The following HDHD2 variants were observed in gnomAD, a reference collection of about 807,000 sequenced individuals.
The protein encoded by HDHD2 is haloacid dehalogenase-like hydrolase domain-containing protein 2.
HDHD2 carries 26 observed loss-of-function variants against 24.8 expected under a neutral mutation model. That is an observed-to-expected ratio of 1.05 (90% CI 0.77 to 1.45). The LOEUF is 1.45. Ranked by LOEUF, HDHD2 falls within the 40% of genes most tolerant of loss-of-function variation. HDHD2 has a pLI of 0.00. For synonymous variants in HDHD2, 128 were observed against 114.9 expected, an observed-to-expected ratio of 1.11 and a Z score of -0.73; for missense variants, 299 against 313.4, an observed-to-expected ratio of 0.95 and a Z score of 0.35.
intron 1 of HDHD2, among the ~76,000 whole-genome samples, chr18:47,149,361 T>C (rs1207406702): frequency 6.6e-6 from 1 of 152,192 alleles, no homozygotes; most frequent in East Asian, 1.9e-4. Context: ...ACAAATTTTC[T>C]TTCCTTCCCT....
intron 4 of HDHD2, among the ~76,000 whole-genome samples, chr18:47,126,988 C>A (rs988211618): frequency 6.6e-6 from 1 of 152,054 alleles, no homozygotes; most frequent in South Asian, 2.1e-4. Flanking sequence ...GGTGAAACCC[C>A]GTCTCTACTA....
chr18:47,114,541 A>G (rs924930654), intron 5 of HDHD2, among the ~76,000 whole-genome samples: 9 of 152,218 alleles, frequency 5.9e-5, no homozygotes, highest in African/African-American at 1.7e-4. Context: ...CACATGGGAA[A>G]TAACATTTGC....
chr18:47,134,301 ATGTGTT>A, intron 3 of HDHD2, 189 bp downstream of exon 3: 1 of 598,390 alleles, frequency 1.7e-6, no homozygotes, highest in South Asian at 2.0e-5. Context: ...TTACTATGTA[ATGTGTT>A]TCACTTACTG....
chr18:47,119,479 C>T (rs536052251), intron 4 of HDHD2, among the ~76,000 whole-genome samples: 3 of 152,344 alleles, frequency 2.0e-5, no homozygotes, highest in African/African-American at 7.2e-5. Context: ...AAAGAAGCAA[C>T]TTCTCATCCA....
At chr18:47,128,499 G>C (rs1568052072) in intron 4 of HDHD2, among the ~76,000 whole-genome samples, 1 of 152,154 alleles carries the variant, frequency 6.6e-6, no homozygotes, top group Non-Finnish European at 1.5e-5. Flanking sequence ...TCAACCAAAG[G>C]CCAAAGTAGG....
At chr18:47,133,734 T>G (rs1038541825) in intron 3 of HDHD2, among the ~76,000 whole-genome samples, 2 of 152,162 alleles carry the variant, frequency 1.3e-5, no homozygotes, top group Non-Finnish European at 2.9e-5. Flanking sequence ...TGGCCAGTGA[T>G]GATGAGCATT....
At chr18:47,139,980 C>A (rs184165335) in intron 1 of HDHD2, among the ~76,000 whole-genome samples, 2 of 152,162 alleles carry the variant, frequency 1.3e-5, no homozygotes, top group African/African-American at 4.8e-5. Context: ...GCTGAAGCCT[C>A]CTGTAAGAAC....
At chr18:47,132,264 G>T (rs976884950) in intron 3 of HDHD2, among the ~76,000 whole-genome samples, 4 of 152,078 alleles carry the variant, frequency 2.6e-5, no homozygotes, top group Admixed American at 6.6e-5. Context: ...TCAAGAGATA[G>T]AACTTTTCAT....
At chr18:47,115,393 G>A in intron 4 of HDHD2, 45 bp from the exon 5 acceptor site, 1 of 1,437,578 alleles carries the variant, frequency 7.0e-7, no homozygotes, top group East Asian at 2.3e-5. Context: ...TAAAAGCAAG[G>A]CTTTTATGAC....
chr18:47,139,419 C>T (rs920428954), intron 1 of HDHD2, among the ~76,000 whole-genome samples: 5 of 128,724 alleles, frequency 3.9e-5, no homozygotes, highest in East Asian at 4.8e-4. Context: ...GAGCCAAGAT[C>T]GTGCCACTGC....
chr18:47,110,616 A>G (rs2063508217), intron 6 of HDHD2: 2 of 985,152 alleles, frequency 2.0e-6, no homozygotes, highest in Non-Finnish European at 2.4e-6. Context: ...GCTTAGGTAT[A>G]TGTTTTAGTT....
In HDHD2 at chr18:47,127,015, G is replaced by C. The variant is rs1357543667; in HGVS notation, c.395+3229C>G. ...TCTCTACTAAAAATACAAAAAATTA[G>C]CTGGGCGTGGTGGTGGGCACCTGTA... On this transcript the variant is annotated intron_variant, in intron 4 of 6. Coordinates refer to ENST00000300605, the MANE Select transcript of HDHD2 (RefSeq NM_032124.5). Among the ~76,000 whole-genome samples the C allele has an allele frequency of 2.0e-5, 3 of 152,070 alleles. No individual in the cohort carries two copies. The East Asian group carries it at 5.8e-4, about 29-fold the overall frequency.
intron 4 of HDHD2, among the ~76,000 whole-genome samples, chr18:47,125,126 C>A (rs2063645610): frequency 6.6e-6 from 1 of 151,976 alleles, no homozygotes; most frequent in African/African-American, 2.4e-5. Context: ...AGTGCCACTG[C>A]ACTCTAGCCT....
chr18:47,117,742 C>A (rs1313974138), intron 4 of HDHD2, among the ~76,000 whole-genome samples: 9 of 152,058 alleles, frequency 5.9e-5, no homozygotes, highest in Admixed American at 3.9e-4. Context: ...CTTTGGGAGA[C>A]CAAGATGGGA....
At chr18:47,146,121 C>G (rs1000343246) in intron 1 of HDHD2, among the ~76,000 whole-genome samples, 1 of 150,542 alleles carries the variant, frequency 6.6e-6, no homozygotes. Flanking sequence ...CCCAGCTACT[C>G]GGGAGGCTGA....
intron 1 of HDHD2, among the ~76,000 whole-genome samples, chr18:47,149,291 A>C (rs1320709381): frequency 6.6e-6 from 1 of 152,174 alleles, no homozygotes; most frequent in African/African-American, 2.4e-5. Context: ...ATTTTAATAC[A>C]AATTTTCCCT....
chr18:47,119,327 T>C (rs1274866040), intron 4 of HDHD2, among the ~76,000 whole-genome samples: 1 of 152,262 alleles, frequency 6.6e-6, no homozygotes, highest in Non-Finnish European at 1.5e-5. Flanking sequence ...AAATTGTGAA[T>C]CAATCCTCTC....
intron 6 of HDHD2, 105 bp from the exon 7 acceptor site, chr18:47,108,890 ACAGAATCAGGGGCTGCACATCTCCCAAAT>A: frequency 1.5e-6 from 1 of 672,656 alleles, no homozygotes; most frequent in East Asian, 2.8e-5. Context: ...TACAGTTAAG[ACAGAATCAGGGGCTGCACATCTCCCAAAT>A]CACCTTTTAT....
At position 47,115,345 on chromosome 18, in the gene HDHD2, T is replaced by C. The variant is rs2063549959; in HGVS notation, c.399A>G (p.Leu133=). The C allele has an allele frequency of 1.2e-6, 2 of 1,609,782 alleles. No homozygotes were observed. The highest frequency in any genetic ancestry group is 1.3e-5 in the African/African-American group (1 of 74,664). ...HYQILNQAFR[L]LLDGAPLIAI... is the part of the protein sequence containing the mutation. ...CTATCAGAGGTGCTCCATCCAGGAG[T>C]AACCTAGAGAGAACAACAACAAAAA... is the stretch of plus-strand genomic sequence containing the variant. The change falls in exon 5 of 7, where the codon TTA becomes TTG. Residue 133 remains leucine (L), a synonymous_variant. Coordinates refer to ENST00000300605, the MANE Select transcript of HDHD2 (RefSeq NM_032124.5).
Sources: gnomAD v4.1 joint callset for allele counts (sites outside exome capture counted in the v4.1 genomes callset) on GRCh38, gnomAD v4.1.1 for gene constraint, MANE v1.5 for transcripts, NCBI Gene and HGNC (gene_info 2026-07-23, HGNC 2026-07-21) for gene names.